TSHR: variants seen among roughly 807,000 people sequenced by gnomAD.
TSHR encodes thyrotropin receptor.
In TSHR, 51 loss-of-function variants were observed where a neutral mutation model predicts 64.1. The ratio of observed to expected loss-of-function variants is 0.80; its 90% CI spans 0.64 to 1.01. The LOEUF is 1.01. TSHR is among the 50% of genes least tolerant of loss of function. TSHR has a pLI of 0.00. For synonymous variants in TSHR, 361 were observed against 361.9 expected, an observed-to-expected ratio of 1.00 and a Z score of 0.03; for missense variants, 877 against 942.8, an observed-to-expected ratio of 0.93 and a Z score of 0.91.
intron 3 of TSHR, among the ~76,000 whole-genome samples, chr14:81,086,852 A>C (rs775396142): frequency 6.6e-6 from 1 of 152,266 alleles, no homozygotes; most frequent in African/African-American, 2.4e-5. Context: ...GATTCCATTT[A>C]TATGAAATGT....
chr14:80,980,959 A>T (rs1594913258), intron 1 of TSHR, among the ~76,000 whole-genome samples: 1 of 151,608 alleles, frequency 6.6e-6, no homozygotes, highest in East Asian at 1.9e-4. Context: ...TGTGGTTTTG[A>T]TCATGTCTTT....
intron 3 of TSHR, among the ~76,000 whole-genome samples, chr14:81,072,476 G>A (rs2139922497): frequency 6.6e-6 from 1 of 152,224 alleles, no homozygotes; most frequent in South Asian, 2.1e-4. Flanking sequence ...AATGCTTGTA[G>A]AAGACTGGAT....
At chr14:81,089,709 C>T (rs781056384) in intron 4 of TSHR, among the ~76,000 whole-genome samples, 4 of 152,162 alleles carry the variant, frequency 2.6e-5, no homozygotes, top group African/African-American at 4.8e-5. Flanking sequence ...AGATCTTGAT[C>T]CAAGTATATG....
chr14:80,979,468 C>T (rs925868553), intron 1 of TSHR, among the ~76,000 whole-genome samples: 2 of 151,998 alleles, frequency 1.3e-5, no homozygotes, highest in South Asian at 4.2e-4. Flanking sequence ...AGTAGGGTGA[C>T]TATGTTAACA....
intron 8 of TSHR, among the ~76,000 whole-genome samples, chr14:81,116,238 A>G (rs1890502574): frequency 6.9e-6 from 1 of 145,878 alleles, no homozygotes; most frequent in Non-Finnish European, 1.5e-5. Context: ...AGACTGGCAA[A>G]TTGGATAAAG....
chr14:81,125,312 G>GA lies in TSHR; in HGVS notation c.693-14359dup, dbSNP rs575589927. ...AGGAAAACATGGGATGTGTTCAGAGGAAAAAAAATTACATAATTCAGGCAA... is the reference window on the plus strand; with the variant it reads ...AGGAAAACATGGGATGTGTTCAGAGGAAAAAAAAATTACATAATTCAGGCAA... On this transcript the variant is annotated intron_variant, in intron 8 of 9. Coordinates refer to ENST00000298171, the MANE Select transcript of TSHR (RefSeq NM_000369.5). Among the ~76,000 whole-genome samples, 267 of 151,974 alleles carry GA rather than the reference G, an allele frequency of 1.8e-3. 1 individual carries two copies. Among genetic ancestry groups the GA allele is most frequent in the African/African-American group, 5.6e-3 (231 of 41,422 alleles).
rs183209403 is a variant in TSHR at position 81,145,458 on chromosome 14, C to T, written c.*1105C>T. 24 of 233,000 alleles carry T rather than the reference C, an allele frequency of 1.0e-4. No homozygotes were observed. The highest frequency in any genetic ancestry group is 5.1e-4 in the African/African-American group (23 of 45,418). The allele number at this position is 233,000 out of a possible 1,614,324, so 14.4% of individuals were successfully genotyped here. ...AAAAATTCAATTAAGTAAACATACT[C>T]GCCTGGATCTGAATCATTCATTTAA... On this transcript the variant is annotated 3_prime_UTR_variant, in exon 10 of 10. Transcript: ENST00000298171.
At position 80,955,876 on chromosome 14, in the gene TSHR, A is replaced by C. The variant is rs61750920; in HGVS notation, c.170+26A>C. ...GTGAGTACCCGGGAGAGATCAGGGT[A>C]GGACCCAGAGATCAAGGGCATCTGC... On this transcript the variant is annotated intron_variant, in intron 1 of 9. Transcript: ENST00000298171. The C allele has an allele frequency of 4.4e-4, 708 of 1,614,068 alleles. 6 individuals carry two copies. The African/African-American group carries it at 8.0e-3, about 18-fold the overall frequency.
At chr14:81,001,812 C>T in intron 1 of TSHR, 1 of 282,638 alleles carries the variant, frequency 3.5e-6, no homozygotes. Flanking sequence ...CACAGATCAC[C>T]TCAGGCCACT....
chr14:81,027,600 C>T (rs930731630), intron 1 of TSHR, among the ~76,000 whole-genome samples: 1 of 151,958 alleles, frequency 6.6e-6, no homozygotes, highest in Admixed American at 6.6e-5. Flanking sequence ...AATTATATAC[C>T]CAGACACACC....
At chr14:80,987,502 T>C (rs1302189854) in intron 1 of TSHR, among the ~76,000 whole-genome samples, 1 of 152,210 alleles carries the variant, frequency 6.6e-6, no homozygotes, top group Admixed American at 6.5e-5. Context: ...TCCCACACTT[T>C]TTAAAAAATT....
chr14:80,993,274 G>C (rs898958015), intron 1 of TSHR: 1 of 152,190 alleles, frequency 6.6e-6, no homozygotes, highest in African/African-American at 2.4e-5. Context: ...GGACGGTAGA[G>C]AGATTGTGTC....
In TSHR at chr14:81,092,527, G is replaced by T; in HGVS notation, c.468-4G>T. On this transcript the variant is annotated splice_polypyrimidine_tract_variant and splice_region_variant and intron_variant, in intron 5 of 9. Transcript: ENST00000298171. ...TTAAGTGTTTTTGTCCCTCTCTCTT[G>T]CAGTGAAATTACAGACAACCCTTAC... 1 of 1,614,006 alleles carries T rather than the reference G, an allele frequency of 6.2e-7. No homozygotes were observed. The highest frequency in any genetic ancestry group is 8.5e-7 in the Non-Finnish European group (1 of 1,179,912).
intron 1 of TSHR, chr14:81,012,785 G>T (rs1461636123): frequency 1.3e-5 from 2 of 151,104 alleles, no homozygotes; most frequent in East Asian, 1.9e-4. Flanking sequence ...TTTTGATGGG[G>T]TTGTTTGTTT....
chr14:81,104,241 T>G (rs1302569696), intron 7 of TSHR: 2 of 985,270 alleles, frequency 2.0e-6, no homozygotes, highest in East Asian at 2.3e-4. Context: ...TAAACTAACA[T>G]GAGAGGTAGG....
intron 4 of TSHR, among the ~76,000 whole-genome samples, chr14:81,088,495 C>T (rs1888460080): frequency 6.6e-6 from 1 of 152,214 alleles, no homozygotes; most frequent in African/African-American, 2.4e-5. Flanking sequence ...AAATGTCCAG[C>T]ACTCACTGCT....
At chr14:81,100,066 A>T (rs1889476362) in intron 7 of TSHR, among the ~76,000 whole-genome samples, 1 of 152,244 alleles carries the variant, frequency 6.6e-6, no homozygotes. Context: ...AGCCTTTGTG[A>T]TAAGAGAAGG....
intron 1 of TSHR, among the ~76,000 whole-genome samples, chr14:80,969,056 C>T (rs113224675): frequency 7.9e-5 from 12 of 152,224 alleles, no homozygotes; most frequent in African/African-American, 2.4e-4. Flanking sequence ...TCATTGCCCC[C>T]GGGTTTTCAG....
intron 8 of TSHR, among the ~76,000 whole-genome samples, chr14:81,136,229 G>A (rs974454563): frequency 6.6e-6 from 1 of 152,210 alleles, no homozygotes; most frequent in Non-Finnish European, 1.5e-5. Flanking sequence ...TGGCTACTAT[G>A]TGAGGAATGG....
Sources: allele counts gnomAD v4.1 joint callset (sites outside exome capture counted in the v4.1 genomes callset), GRCh38; gene constraint gnomAD v4.1.1; transcripts MANE v1.5; gene names NCBI Gene and HGNC (gene_info 2026-07-23, HGNC 2026-07-21).